The following WDR59 variants were observed in gnomAD, a reference collection of about 807,000 sequenced individuals.
The protein encoded by WDR59 is GATOR2 complex protein WDR59.
WDR59 carries 100 observed loss-of-function variants against 131.2 expected under a neutral mutation model. The observed-to-expected ratio is 0.76, with a 90% CI of 0.65 to 0.90. The LOEUF is 0.90. Ranked by LOEUF, WDR59 falls within the 40% of genes least tolerant of loss-of-function variation. The probability of loss-of-function intolerance (pLI) is 0.00; values close to 1 mark genes in which losing one functional copy is unlikely to be tolerated. For missense variants in WDR59, 1,203 were observed against 1,262.2 expected, an observed-to-expected ratio of 0.95 and a Z score of 0.71; for synonymous variants, 601 against 466.2, an observed-to-expected ratio of 1.29 and a Z score of -3.72.
At position 74,897,314 on chromosome 16, in the gene WDR59, T is replaced by A. The variant is rs1043458657; in HGVS notation, c.1867-3502A>T. Among the ~76,000 whole-genome samples the A allele has an allele frequency of 1.3e-4, 20 of 152,146 alleles. 1 individual carries two copies. The East Asian group carries it at 1.7e-3, about 13-fold the overall frequency. ...ATTTCAGGCCGGGCACCTCACAGTG[T>A]TTAGGCTTTGGGGTTTGTTAGGATT... On this transcript the variant is annotated intron_variant, in intron 18 of 25. Coordinates refer to ENST00000262144, the MANE Select transcript of WDR59 (RefSeq NM_030581.4).
At chr16:74,934,568 TC>T (rs967055769) in intron 8 of WDR59, among the ~76,000 whole-genome samples, 6 of 152,224 alleles carry the variant, frequency 3.9e-5, no homozygotes, top group East Asian at 1.9e-4. Flanking sequence ...AGCCATTCCA[TC>T]CCCCCATTCA....
At chr16:74,882,644 G>T (rs1386285730) in intron 25 of WDR59, among the ~76,000 whole-genome samples, 1 of 151,630 alleles carries the variant, frequency 6.6e-6, no homozygotes, top group Non-Finnish European at 1.5e-5. Context: ...TTGTATTGTA[G>T]TATCTCTACT....
chr16:74,896,742 T>C (rs1233740006), intron 18 of WDR59, among the ~76,000 whole-genome samples: 1 of 152,140 alleles, frequency 6.6e-6, no homozygotes, highest in African/African-American at 2.4e-5. Flanking sequence ...CAAAACAGAC[T>C]AGCCCATTTG....
At chr16:74,980,608 C>G (rs1312532224) in intron 1 of WDR59, among the ~76,000 whole-genome samples, 1 of 151,936 alleles carries the variant, frequency 6.6e-6, no homozygotes, top group Admixed American at 6.6e-5. Flanking sequence ...CCTGCCTTGG[C>G]CTCCTAAAGT....
chr16:74,955,823 C>G (rs996899770), intron 3 of WDR59, among the ~76,000 whole-genome samples: 3 of 152,090 alleles, frequency 2.0e-5, no homozygotes, highest in Non-Finnish European at 4.4e-5. Context: ...GTTTAGATCT[C>G]TCATTATTCT....
intron 8 of WDR59, among the ~76,000 whole-genome samples, chr16:74,932,593 A>T (rs1434005542): frequency 6.6e-6 from 1 of 152,138 alleles, no homozygotes; most frequent in African/African-American, 2.4e-5. Flanking sequence ...GGCTCCAACA[A>T]TCCTCCTACC....
At chr16:74,976,402 T>A (rs2034181376) in intron 1 of WDR59, among the ~76,000 whole-genome samples, 1 of 152,014 alleles carries the variant, frequency 6.6e-6, no homozygotes, top group Non-Finnish European at 1.5e-5. Flanking sequence ...AGGAATTTCT[T>A]TATGAATCTA....
intron 13 of WDR59, among the ~76,000 whole-genome samples, chr16:74,915,169 A>T (rs1356929242): frequency 6.6e-6 from 1 of 152,208 alleles, no homozygotes; most frequent in Non-Finnish European, 1.5e-5. Context: ...AGCACAGCAC[A>T]GAGTGCCCTG....
At chr16:74,877,604 G>T (rs1964278159) in intron 25 of WDR59, among the ~76,000 whole-genome samples, 2 of 152,160 alleles carry the variant, frequency 1.3e-5, no homozygotes, top group African/African-American at 4.8e-5. Context: ...GAGTGCAATG[G>T]TGCGATCTCA....
At chr16:74,969,477 TA>T (rs1329871500) in intron 1 of WDR59, among the ~76,000 whole-genome samples, 3 of 152,130 alleles carry the variant, frequency 2.0e-5, no homozygotes, top group Non-Finnish European at 4.4e-5. Context: ...TTCACCGTGT[TA>T]GCCAGGATGG....
intron 22 of WDR59, 27 bp downstream of exon 22, chr16:74,888,141 AG>A: frequency 1.3e-6 from 2 of 1,544,556 alleles, no homozygotes; most frequent in South Asian, 1.2e-5. Context: ...AAAAAAAATC[AG>A]ACAAAACCAG....
rs2032332808 is a variant in WDR59, at chr16:74,942,765, G to A, written c.507C>T (p.Asp169=). 3.1e-6 allele frequency: 5 copies of A among 1,612,672 alleles called. No homozygotes were observed. The highest frequency in any genetic ancestry group is 2.2e-5 in the East Asian group (1 of 44,872). ...TCTTATCCCATATCCGCACATCGCC[G>A]TCATGGCTGGTGGCAAGGCAGTTAG... ...KNANCLATSH[D]GDVRIWDKRK... The change falls in exon 7 of 26, where the codon GAC becomes GAT. Residue 169 remains aspartate (D), a synonymous_variant. Transcript: ENST00000262144.
intron 8 of WDR59, among the ~76,000 whole-genome samples, chr16:74,934,750 C>G (rs1597745831): frequency 1.3e-5 from 2 of 152,076 alleles, no homozygotes; most frequent in South Asian, 4.1e-4. Flanking sequence ...GAGTTCAAAA[C>G]CAGCCTGGGC....
intron 20 of WDR59, 120 bp downstream of exon 20, chr16:74,892,364 G>A (rs1157609774): frequency 2.2e-6 from 2 of 926,710 alleles, no homozygotes; most frequent in Non-Finnish European, 3.3e-6. Flanking sequence ...AAAGAAAATG[G>A]AAAATGAATT....
At chr16:74,899,263 C>T (rs1016998101) in intron 18 of WDR59, among the ~76,000 whole-genome samples, 1 of 152,162 alleles carries the variant, frequency 6.6e-6, no homozygotes, top group African/African-American at 2.4e-5. Flanking sequence ...GTGGGCACCT[C>T]CCTCTGTGAA....
chr16:74,984,806 TCCC>T, intron 1 of WDR59, 155 bp downstream of exon 1: 1 of 1,024,614 alleles, frequency 9.8e-7, no homozygotes, highest in Non-Finnish European at 1.4e-6. Context: ...TCGTCTTCCC[TCCC>T]CCGACGGGGC....
chr16:74,894,650 TAAC>T (rs1382340294), intron 18 of WDR59, among the ~76,000 whole-genome samples: 1 of 152,150 alleles, frequency 6.6e-6, no homozygotes, highest in African/African-American at 2.4e-5. Context: ...ACATATTTAT[TAAC>T]AAAAAAAGGC....
chr16:74,963,420 A>G (rs9935810), intron 2 of WDR59, among the ~76,000 whole-genome samples: 1 of 151,696 alleles, frequency 6.6e-6, no homozygotes, highest in Non-Finnish European at 1.5e-5. Flanking sequence ...TAAAAAGGAA[A>G]GAGATCATGT....
chr16:74,887,771 G>C lies in WDR59; in HGVS notation c.2347-16C>G. 1.2e-6 allele frequency: 2 copies of C among 1,611,646 alleles called. No individual in the cohort carries two copies. Among genetic ancestry groups the C allele is most frequent in the Non-Finnish European group, 1.7e-6 (2 of 1,177,910 alleles). On this transcript the variant is annotated splice_polypyrimidine_tract_variant and intron_variant, in intron 22 of 25. Transcript: ENST00000262144. ...TAAAGCTAGGCTACAGAAGGGAAGAGAAGAACCAACAGGACTAGCATGAGA... is the reference window on the plus strand; with the variant it reads ...TAAAGCTAGGCTACAGAAGGGAAGACAAGAACCAACAGGACTAGCATGAGA...
Sources: gnomAD v4.1 joint callset for allele counts (sites outside exome capture counted in the v4.1 genomes callset) on GRCh38, gnomAD v4.1.1 for gene constraint, MANE v1.5 for transcripts, NCBI Gene and HGNC (gene_info 2026-07-23, HGNC 2026-07-21) for gene names.